ZNF536: variants seen among roughly 807,000 people sequenced by gnomAD.
ZNF536 encodes zinc finger protein 536.
Under a neutral mutation model 84.5 loss-of-function variants are expected in ZNF536, and 13 were observed. The observed-to-expected ratio is 0.15, with a 90% CI of 0.10 to 0.24. The LOEUF is 0.24. ZNF536 is among the 10% of genes least tolerant of loss of function. The probability of loss-of-function intolerance (pLI) is 1.00; values close to 1 mark genes in which losing one functional copy is unlikely to be tolerated. For missense variants in ZNF536, 1,536 were observed against 1,747.5 expected, an observed-to-expected ratio of 0.88 and a Z score of 2.16; for synonymous variants, 811 against 742.5, an observed-to-expected ratio of 1.09 and a Z score of -1.50.
intron 1 of ZNF536, among the ~76,000 whole-genome samples, chr19:30,419,549 C>T (rs1002680516): frequency 2.0e-5 from 3 of 152,116 alleles, no homozygotes; most frequent in Non-Finnish European, 4.4e-5. Context: ...TGTATATTCA[C>T]GTGTGTGTAT....
chr19:30,649,173 G>A (rs961785996), intron 1 of ZNF536, among the ~76,000 whole-genome samples: 3 of 152,134 alleles, frequency 2.0e-5, no homozygotes, highest in Non-Finnish European at 4.4e-5. Flanking sequence ...ATTTATAGAT[G>A]GACTTGGTGA....
chr19:30,382,730 C>T (rs558657960), intron 1 of ZNF536, among the ~76,000 whole-genome samples: 1 of 152,202 alleles, frequency 6.6e-6, no homozygotes, highest in East Asian at 1.9e-4. Context: ...AGGTGGAATC[C>T]ACTGGATCCC....
At chr19:30,377,827 C>A (rs561528640) in intron 1 of ZNF536, among the ~76,000 whole-genome samples, 10 of 152,288 alleles carry the variant, frequency 6.6e-5, no homozygotes, top group Non-Finnish European at 1.0e-4. Context: ...GCTAGGAATA[C>A]CTCACTTTCT....
intron 1 of ZNF536, among the ~76,000 whole-genome samples, chr19:30,695,468 G>C (rs113625302): frequency 0.015 from 2,225 of 152,300 alleles, 39 homozygotes; most frequent in African/African-American, 0.051. Context: ...ACAGATAAGT[G>C]GAGCTCTGCA....
At chr19:30,442,598 A>G (rs780614550) in intron 1 of ZNF536, among the ~76,000 whole-genome samples, 2 of 152,210 alleles carry the variant, frequency 1.3e-5, no homozygotes, top group South Asian at 4.1e-4. Flanking sequence ...GAGCCCCATT[A>G]TAAGGTATCG....
At chr19:30,270,893 G>T (rs1443106711) in intron 1 of ZNF536, among the ~76,000 whole-genome samples, 1 of 151,280 alleles carries the variant, frequency 6.6e-6, no homozygotes, top group Admixed American at 6.6e-5. Context: ...TACAATGTTT[G>T]TTAATGTATA....
chr19:30,399,937 C>G (rs2049980572), intron 1 of ZNF536, among the ~76,000 whole-genome samples: 1 of 152,144 alleles, frequency 6.6e-6, no homozygotes, highest in African/African-American at 2.4e-5. Context: ...GTCCACCTTC[C>G]TAGGCCTCCC....
intron 2 of ZNF536, among the ~76,000 whole-genome samples, chr19:30,315,668 C>T (rs578130167): frequency 6.6e-4 from 100 of 152,252 alleles, no homozygotes; most frequent in African/African-American, 2.2e-3. Context: ...ATTTCTGTAA[C>T]GTGAAATCTA....
At chr19:30,561,764 G>A (rs188776159), downstream of ZNF536, among the ~76,000 whole-genome samples, 14 of 151,446 alleles carry the variant, frequency 9.2e-5, no homozygotes, top group Admixed American at 9.2e-4. Context: ...GGTCCCTCCA[G>A]CCCACCTGAT....
intron 1 of ZNF536, among the ~76,000 whole-genome samples, chr19:30,267,568 G>T (rs1160117853): frequency 6.6e-6 from 1 of 152,076 alleles, no homozygotes; most frequent in Non-Finnish European, 1.5e-5. Flanking sequence ...CCCCTGCCTG[G>T]CATCATGGGA....
chr19:30,409,452 C>T (rs2050394929), intron 1 of ZNF536, among the ~76,000 whole-genome samples: 1 of 152,192 alleles, frequency 6.6e-6, no homozygotes, highest in Admixed American at 6.5e-5. Context: ...CCTGGCCCCC[C>T]TGCTCCCAGC....
At chr19:30,261,697 CAA>C (rs56820609) in intron 1 of ZNF536, among the ~76,000 whole-genome samples, 5,220 of 99,812 alleles carry the variant, frequency 0.052, 244 homozygotes, top group African/African-American at 0.16. Flanking sequence ...GGACCTTGTC[CAA>C]AAAAAAAAAA....
chr19:30,572,395 G>A lies in ZNF536; in HGVS notation c.169+22881G>A, dbSNP rs150374995. ...GGGCAGCTGTGGGATATGGAGAGAGGAGAGGTGGGGGCAGATCTTGTGCTG... is the reference window on the plus strand; with the variant it reads ...GGGCAGCTGTGGGATATGGAGAGAGAAGAGGTGGGGGCAGATCTTGTGCTG... On this transcript the variant is annotated intron_variant, in intron 1 of 1. Transcript: ENST00000592773. Among the ~76,000 whole-genome samples, 152 of 152,298 alleles carry A rather than the reference G, an allele frequency of 1.0e-3. 1 individual carries two copies. The highest frequency in any genetic ancestry group is 3.6e-3 in the African/African-American group (151 of 41,564).
intron 2 of ZNF536, among the ~76,000 whole-genome samples, chr19:30,456,866 A>G (rs756454727): frequency 2.0e-5 from 3 of 151,778 alleles, no homozygotes; most frequent in Non-Finnish European, 2.9e-5. Flanking sequence ...ACGTGGCAAA[A>G]CCCCATCTCT....
chr19:30,680,521 C>T (rs562149703), intron 1 of ZNF536, among the ~76,000 whole-genome samples: 3 of 150,436 alleles, frequency 2.0e-5, no homozygotes, highest in Admixed American at 6.7e-5. Flanking sequence ...TTTGTTCTTG[C>T]GATAGCTTAC....
chr19:30,528,136 C>T (rs2044666893), intron 2 of ZNF536, among the ~76,000 whole-genome samples: 1 of 152,080 alleles, frequency 6.6e-6, no homozygotes, highest in Admixed American at 6.6e-5. Context: ...GTAGTAAGCG[C>T]CAGGGTGTTC....
intron 2 of ZNF536, among the ~76,000 whole-genome samples, chr19:30,468,703 A>G (rs2053512385): frequency 1.3e-5 from 2 of 152,082 alleles, no homozygotes; most frequent in Non-Finnish European, 2.9e-5. Flanking sequence ...GGAAGCTGGT[A>G]TGCTGGACAG....
intron 1 of ZNF536, among the ~76,000 whole-genome samples, chr19:30,581,803 G>A (rs1599875890): frequency 6.6e-6 from 1 of 152,066 alleles, no homozygotes; most frequent in African/African-American, 2.4e-5. Context: ...GGGCATGGTG[G>A]TGCACCTATT....
At chr19:30,424,245 G>C (rs1157787159) in intron 1 of ZNF536, among the ~76,000 whole-genome samples, 10 of 152,194 alleles carry the variant, frequency 6.6e-5, no homozygotes. Flanking sequence ...GGGCTGCAGG[G>C]GGGTCTGGAC....
Sources: gnomAD v4.1 joint callset for allele counts (sites outside exome capture counted in the v4.1 genomes callset) on GRCh38, gnomAD v4.1.1 for gene constraint, MANE v1.5 for transcripts, NCBI Gene and HGNC (gene_info 2026-07-23, HGNC 2026-07-21) for gene names.